Variants in GCNT2 observed in about 807,000 individuals in gnomAD.
GCNT2 encodes the protein N-acetyllactosaminide beta-1,6-N-acetylglucosaminyl-transferase.
Under a neutral mutation model 34.2 loss-of-function variants are expected in GCNT2, and 34 were observed. That is an observed-to-expected ratio of 1.00 (90% confidence interval 0.76 to 1.32). The LOEUF is 1.32. Among genes scored for constraint, GCNT2 ranks in the 40% most tolerant of loss-of-function variants. The pLI is 0.00. For synonymous variants in GCNT2, 212 were observed against 188.0 expected (o/e 1.13, Z -1.04); for missense variants, 584 against 489.4 (o/e 1.19, Z -1.82).
At chr6:10,528,104 C>T (rs576834500) in intron 2 of GCNT2, among the ~76,000 whole-genome samples, 4 of 152,090 alleles carry the variant, frequency 2.6e-5, no homozygotes, top group African/African-American at 7.2e-5. Context: ...AAGAAGTTAG[C>T]CTTTATTCAT....
intron 3 of GCNT2, among the ~76,000 whole-genome samples, chr6:10,621,057 C>T (rs971713348): frequency 6.6e-6 from 1 of 152,128 alleles, no homozygotes; most frequent in African/African-American, 2.4e-5. Context: ...GCACCCCACC[C>T]CTCAACCGAA....
intron 3 of GCNT2, among the ~76,000 whole-genome samples, chr6:10,553,542 G>A (rs1762566223): frequency 6.6e-6 from 1 of 152,174 alleles, no homozygotes; most frequent in African/African-American, 2.4e-5. Flanking sequence ...TCATTTCAAA[G>A]AAAGGATACT....
intron 3 of GCNT2, among the ~76,000 whole-genome samples, chr6:10,540,123 G>A (rs1237500205): frequency 6.6e-6 from 1 of 151,726 alleles, no homozygotes; most frequent in Non-Finnish European, 1.5e-5. Context: ...AGAAAGTAAA[G>A]GATGGAAGGA....
At chr6:10,606,012 A>G (rs890670862) in intron 3 of GCNT2, among the ~76,000 whole-genome samples, 1 of 152,172 alleles carries the variant, frequency 6.6e-6, no homozygotes, top group African/African-American at 2.4e-5. Flanking sequence ...GCCCTGGTCA[A>G]CAAATGTTTT....
chr6:10,586,948 G>C, intron 3 of GCNT2: 1 of 1,451,250 alleles, frequency 6.9e-7, no homozygotes, highest in Non-Finnish European at 9.7e-7. Context: ...TTGATAGATT[G>C]AGTTTGCTAA....
chr6:10,549,138 C>T lies in GCNT2; in HGVS notation c.925+19302C>T, dbSNP rs530258741. ...ATTAGTGGGTAGAGGCCAGGGGTGCCCCTCAGCATCCTACAATGCACAGGG... is the reference window on the plus strand; with the variant it reads ...ATTAGTGGGTAGAGGCCAGGGGTGCTCCTCAGCATCCTACAATGCACAGGG... On this transcript the variant is annotated intron_variant, in intron 3 of 4. Coordinates refer to ENST00000495262, the MANE Select transcript of GCNT2 (RefSeq NM_145649.5). Among the ~76,000 whole-genome samples, 17 of 152,260 alleles carry T rather than the reference C, an allele frequency of 1.1e-4. No individual in the cohort carries two copies. In the East Asian group the frequency reaches 2.9e-3, roughly 26 times the overall value.
intron 3 of GCNT2, among the ~76,000 whole-genome samples, chr6:10,542,343 T>C (rs1041084365): frequency 6.6e-6 from 1 of 152,140 alleles, no homozygotes; most frequent in Non-Finnish European, 1.5e-5. Flanking sequence ...AGGTAACAGG[T>C]TTATTGAGGT....
intron 3 of GCNT2, among the ~76,000 whole-genome samples, chr6:10,613,738 T>C (rs1765651282): frequency 6.6e-6 from 1 of 152,232 alleles, no homozygotes; most frequent in Non-Finnish European, 1.5e-5. Context: ...TGTGTGATGG[T>C]ATACAGTGTT....
chr6:10,574,299 T>C (rs1197912968), intron 3 of GCNT2, among the ~76,000 whole-genome samples: 8 of 152,160 alleles, frequency 5.3e-5, no homozygotes, highest in Admixed American at 5.2e-4. Context: ...CAGGACAACA[T>C]ATATGCATGT....
At chr6:10,545,146 A>G (rs1298296738) in intron 3 of GCNT2, among the ~76,000 whole-genome samples, 1 of 152,024 alleles carries the variant, frequency 6.6e-6, no homozygotes, top group Admixed American at 6.6e-5. Flanking sequence ...TTCTAATAAA[A>G]CTGTATCTTC....
chr6:10,614,644 A>AGAG (rs1554137834), intron 3 of GCNT2, among the ~76,000 whole-genome samples: 14 of 143,976 alleles, frequency 9.7e-5, no homozygotes, highest in African/African-American at 3.8e-4. Context: ...AAAAAAAAAA[A>AGAG]AGAGAAAAAG....
rs1202890435 is a variant in GCNT2 at position 10,582,400 on chromosome 6, A to T, written c.926-38951A>T. ...AATTTAATATTTATTATATACTATA[A>T]TAAATAGTATAATATTTATTATATA... is the stretch of plus-strand genomic sequence containing the variant. On this transcript the variant is annotated intron_variant, in intron 3 of 4. Transcript: ENST00000495262. Among the ~76,000 whole-genome samples, 28 of 122,092 alleles carry T rather than the reference A, an allele frequency of 2.3e-4. 1 individual carries two copies. Among genetic ancestry groups the T allele is most frequent in the African/African-American group, 9.5e-4 (28 of 29,568 alleles). 80.1% of individuals were successfully genotyped at this position (122,092 alleles called of 152,430 possible).
At chr6:10,582,295 CT>C (rs1488256465) in intron 3 of GCNT2, among the ~76,000 whole-genome samples, 3 of 107,682 alleles carry the variant, frequency 2.8e-5, no homozygotes, top group Non-Finnish European at 5.0e-5. Flanking sequence ...TATAATATTA[CT>C]ATATATTTAA....
At chr6:10,598,203 C>T (rs554015025) in intron 3 of GCNT2, among the ~76,000 whole-genome samples, 1 of 152,188 alleles carries the variant, frequency 6.6e-6, no homozygotes, top group Non-Finnish European at 1.5e-5. Flanking sequence ...TTTTGTTTCC[C>T]TGCTGTCAGA....
intron 3 of GCNT2, among the ~76,000 whole-genome samples, chr6:10,576,868 G>A (rs1247958101): frequency 6.6e-6 from 1 of 152,070 alleles, no homozygotes; most frequent in Non-Finnish European, 1.5e-5. Flanking sequence ...GAGGCCAAGA[G>A]TTCAAGACCA....
intron 3 of GCNT2, chr6:10,555,835 A>G: frequency 5.1e-6 from 5 of 985,394 alleles, no homozygotes; most frequent in South Asian, 9.4e-5. Context: ...CTGAAACAGC[A>G]CGTTGGAAAA....
intron 3 of GCNT2, among the ~76,000 whole-genome samples, chr6:10,567,321 G>A (rs1378376832): frequency 2.6e-5 from 4 of 152,166 alleles, no homozygotes; most frequent in Non-Finnish European, 5.9e-5. Context: ...GCTGGGCATG[G>A]TGGCACATGT....
At chr6:10,543,326 C>G (rs1304115917) in intron 3 of GCNT2, among the ~76,000 whole-genome samples, 1 of 151,810 alleles carries the variant, frequency 6.6e-6, no homozygotes, top group African/African-American at 2.4e-5. Flanking sequence ...GTAGCTGGGA[C>G]TACGGGAGCA....
chr6:10,533,518 T>C (rs142960138), intron 3 of GCNT2, among the ~76,000 whole-genome samples: 2,070 of 152,056 alleles, frequency 0.014, 59 homozygotes, highest in African/African-American at 0.046. Context: ...CCAGGTGTGG[T>C]GGCTCTCGCC....
Sources: allele counts gnomAD v4.1 joint callset (sites outside exome capture counted in the v4.1 genomes callset), GRCh38; gene constraint gnomAD v4.1.1; transcripts MANE v1.5; gene names NCBI Gene and HGNC (gene_info 2026-07-23, HGNC 2026-07-21).